The following HMBOX1 variants were observed in gnomAD, a reference collection of about 807,000 sequenced individuals.
HMBOX1 encodes homeobox containing 1.
HMBOX1 carries 14 observed loss-of-function variants against 54.5 expected under a neutral mutation model. The observed-to-expected ratio is 0.26, with a 90% CI of 0.17 to 0.40. HMBOX1 has a LOEUF of 0.40. Among genes scored for constraint, HMBOX1 ranks in the 10% least tolerant of loss-of-function variants. HMBOX1 has a pLI of 1.00. For missense variants in HMBOX1, 332 were observed against 514.4 expected (o/e 0.65, Z 3.43); for synonymous variants, 160 against 181.0 (o/e 0.88, Z 0.93).
At chr8:28,966,442 C>A (rs1364977072) in intron 2 of HMBOX1, among the ~76,000 whole-genome samples, 1 of 152,104 alleles carries the variant, frequency 6.6e-6, no homozygotes, top group Non-Finnish European at 1.5e-5. Flanking sequence ...GAAAGATGTT[C>A]CTTATCCTCT....
chr8:28,976,704 T>C (rs1370984047), intron 3 of HMBOX1, among the ~76,000 whole-genome samples: 3 of 151,278 alleles, frequency 2.0e-5, no homozygotes, highest in East Asian at 1.9e-4. Flanking sequence ...TCTTTTCTTT[T>C]TTTTCTTTTT....
At chr8:28,956,364 CT>C (rs1218624093) in intron 1 of HMBOX1, among the ~76,000 whole-genome samples, 1 of 149,576 alleles carries the variant, frequency 6.7e-6, no homozygotes, top group Non-Finnish European at 1.5e-5. Context: ...TTTTGTTTAT[CT>C]TTTGAAGTTT....
At chr8:29,003,555 A>ATATATATATATATATATATATATATAT (rs1832971970) in intron 4 of HMBOX1, among the ~76,000 whole-genome samples, 1 of 71,308 alleles carries the variant, frequency 1.4e-5, no homozygotes, top group African/African-American at 5.2e-5. Context: ...TTCTGTATTA[A>ATATATATATATATATATATATATATAT]ATATATATAT....
chr8:29,008,962 A>G (rs1833848976), intron 4 of HMBOX1, 110 bp from the exon 5 acceptor site: 1 of 737,382 alleles, frequency 1.4e-6, no homozygotes, highest in Admixed American at 2.7e-5. Flanking sequence ...CAACTTCCTT[A>G]TGGACTGGAC....
chr8:28,906,653 G>C (rs1217293104), intron 1 of HMBOX1, among the ~76,000 whole-genome samples: 2 of 151,924 alleles, frequency 1.3e-5, no homozygotes, highest in East Asian at 1.9e-4. Context: ...ACAGTGGCAT[G>C]ATCTCAGCTC....
intron 1 of HMBOX1, among the ~76,000 whole-genome samples, chr8:28,912,531 T>G (rs1436210784): frequency 6.6e-6 from 1 of 152,212 alleles, no homozygotes. Flanking sequence ...CCAAAACTCT[T>G]TTTCACAATT....
rs755746666 is a variant in HMBOX1 at position 29,051,171 on chromosome 8, A to G, written c.*16A>G. 3.1e-6 allele frequency: 5 copies of G among 1,613,008 alleles called. No individual in the cohort carries two copies. The highest frequency in any genetic ancestry group is 1.7e-5 in the Admixed American group (1 of 59,758). On this transcript the variant is annotated 3_prime_UTR_variant, in exon 10 of 10. Transcript: ENST00000287701. ...TGATGACTGATCAGGGAGGTTAAAC[A>G]TGACAAGTTAACTTAGTTTAGACGT... is the stretch of plus-strand genomic sequence containing the variant.
At chr8:28,916,751 A>G (rs752007331) in intron 1 of HMBOX1, among the ~76,000 whole-genome samples, 8 of 151,186 alleles carry the variant, frequency 5.3e-5, no homozygotes, top group Non-Finnish European at 1.0e-4. Context: ...GAGTCTTCCA[A>G]CTTTTTTTTT....
At chr8:28,903,142 T>TAC (rs778389598) in intron 1 of HMBOX1, among the ~76,000 whole-genome samples, 23 of 152,140 alleles carry the variant, frequency 1.5e-4, no homozygotes, top group Non-Finnish European at 2.8e-4. Context: ...AGCTTTCTTT[T>TAC]ACACACACAC....
In HMBOX1 at chr8:29,051,474, A is replaced by G; in HGVS notation, c.*319A>G. On this transcript the variant is annotated 3_prime_UTR_variant, in exon 10 of 10. Coordinates refer to ENST00000287701, the MANE Select transcript of HMBOX1 (RefSeq NM_001135726.3). Reference sequence around the variant, plus strand: ...GTATTTAGATAGCCCTCAGTTCTCAAATATTAGACTACGTGTAAAATCTTG... The same window carrying G: ...GTATTTAGATAGCCCTCAGTTCTCAGATATTAGACTACGTGTAAAATCTTG... 1 of 697,154 alleles carries G rather than the reference A, an allele frequency of 1.4e-6. No individual in the cohort carries two copies. Among genetic ancestry groups the G allele is most frequent in the East Asian group, 2.7e-5 (1 of 37,090 alleles). The allele number at this position is 697,154 out of a possible 1,614,324, so 43.2% of individuals were successfully genotyped here.
rs548168189 is a variant in HMBOX1, at chr8:29,009,810, A to G, written c.697+628A>G. On this transcript the variant is annotated intron_variant, in intron 5 of 9. Transcript: ENST00000287701. ...GGAAGAAGTAGGCAAGATCTATTCA[A>G]GATACTAACAGGTGATTTTATAAAG... 4.0e-6 allele frequency: 5 copies of G among 1,242,660 alleles called. No homozygotes were observed. In the South Asian group the frequency reaches 4.1e-5, roughly 10 times the overall value. 77.0% of individuals were successfully genotyped at this position (1,242,660 alleles called of 1,614,324 possible).
chr8:28,973,803 G>GTTTTTTTTGTTTTTTTTTT (rs1827850065), intron 3 of HMBOX1, among the ~76,000 whole-genome samples: 1 of 72,618 alleles, frequency 1.4e-5, no homozygotes, highest in Admixed American at 1.8e-4. Flanking sequence ...ACATAATGGA[G>GTTTTTTTTGTTTTTTTTTT]TTTTTTTTTT....
intron 6 of HMBOX1, among the ~76,000 whole-genome samples, chr8:29,040,874 C>T (rs1320098160): frequency 6.6e-6 from 1 of 151,990 alleles, no homozygotes; most frequent in Non-Finnish European, 1.5e-5. Context: ...TAATTTTAAA[C>T]CTTTTTAACT....
chr8:28,954,749 G>A (rs551905554), intron 1 of HMBOX1, among the ~76,000 whole-genome samples: 5 of 152,272 alleles, frequency 3.3e-5, no homozygotes, highest in East Asian at 1.9e-4. Flanking sequence ...GTACTTACAC[G>A]TGTACAAAGA....
chr8:28,982,824 A>C lies in HMBOX1; in HGVS notation c.586+2668A>C, dbSNP rs1035038195. On this transcript the variant is annotated intron_variant, in intron 4 of 9. Coordinates refer to ENST00000287701, the MANE Select transcript of HMBOX1 (RefSeq NM_001135726.3). Reference sequence around the variant, plus strand: ...TGTTTGTGGTAGGCGGGGTTTCACCATATCGGCCAGGCTGGTGTCGAACTC... The same window carrying C: ...TGTTTGTGGTAGGCGGGGTTTCACCCTATCGGCCAGGCTGGTGTCGAACTC... Among the ~76,000 whole-genome samples, 4 of 152,008 alleles carry C rather than the reference A, an allele frequency of 2.6e-5. No individual in the cohort carries two copies. The East Asian group carries it at 7.7e-4, about 29-fold the overall frequency.
Position 28,890,578 on chromosome 8 carries a change from C to G in HMBOX1, c.-158C>G, listed in dbSNP as rs953162009. 3.9e-5 allele frequency: 6 copies of G among 152,594 alleles called. No individual in the cohort carries two copies. The highest frequency in any genetic ancestry group is 1.5e-4 in the African/African-American group (6 of 41,316). 9.5% of individuals were successfully genotyped at this position (152,594 alleles called of 1,614,324 possible). A position where few individuals can be genotyped will look rare whatever the true frequency, so the allele number is the denominator to read the frequency against. On this transcript the variant is annotated 5_prime_UTR_variant, in exon 1 of 10. Transcript: ENST00000287701. ...ACGGGCGCCCCACGCGGAAGACACC[C>G]CTCCCCCTCCCGCCTTCCCTCCTCC...
chr8:28,928,491 A>G (rs1211438469), intron 1 of HMBOX1, among the ~76,000 whole-genome samples: 4 of 152,210 alleles, frequency 2.6e-5, no homozygotes, highest in Admixed American at 6.5e-5. Flanking sequence ...CAGAATGACT[A>G]TATAAGAGCC....
intron 6 of HMBOX1, among the ~76,000 whole-genome samples, chr8:29,028,897 T>A (rs763394931): frequency 3.0e-4 from 46 of 152,244 alleles, no homozygotes; most frequent in Non-Finnish European, 5.6e-4. Context: ...CACTTCCTGT[T>A]ATTCTTTTAT....
At chr8:28,949,075 C>T (rs1822966622) in intron 1 of HMBOX1, among the ~76,000 whole-genome samples, 1 of 152,122 alleles carries the variant, frequency 6.6e-6, no homozygotes, top group Non-Finnish European at 1.5e-5. Flanking sequence ...AAAATATTCC[C>T]GATGTATGCC....
Sources: gnomAD v4.1 joint callset for allele counts (sites outside exome capture counted in the v4.1 genomes callset) on GRCh38, gnomAD v4.1.1 for gene constraint, MANE v1.5 for transcripts, NCBI Gene and HGNC (gene_info 2026-07-23, HGNC 2026-07-21) for gene names.